The following OCA2 variants were observed in gnomAD, a reference collection of about 807,000 sequenced individuals.
OCA2 encodes P protein.
OCA2 carries 77 observed loss-of-function variants against 100.2 expected under a neutral mutation model. The observed-to-expected ratio is 0.77, with a 90% confidence interval of 0.64 to 0.93. The LOEUF is 0.93. OCA2 is among the 40% of genes least tolerant of loss of function. The pLI is 0.00. For synonymous variants in OCA2, 432 were observed against 439.2 expected (o/e 0.98, Z 0.21); for missense variants, 1,062 against 1,089.1 (o/e 0.98, Z 0.35).
chr15:27,812,147 G>A (rs1332298462), intron 23 of OCA2, among the ~76,000 whole-genome samples: 5 of 152,272 alleles, frequency 3.3e-5, no homozygotes, highest in East Asian at 1.9e-4. Flanking sequence ...ATGCTGGAGC[G>A]AAGACCCCTC....
At chr15:27,747,815 C>T in the OCA2 span, among the ~76,000 whole-genome samples, 3 of 152,160 alleles carry the variant, frequency 2.0e-5, no homozygotes, top group Admixed American at 6.5e-5. Context: ...GAATTTTGAT[C>T]TGGAAAAGAT....
intron 1 of OCA2, among the ~76,000 whole-genome samples, chr15:28,096,907 C>T (rs1419253541): frequency 6.6e-6 from 1 of 152,002 alleles, no homozygotes; most frequent in African/African-American, 2.4e-5. Context: ...GCAGCGCCAG[C>T]AAACGCGCAG....
intron 1 of OCA2, among the ~76,000 whole-genome samples, chr15:28,085,550 T>C (rs2044762966): frequency 6.6e-6 from 1 of 152,100 alleles, no homozygotes; most frequent in Non-Finnish European, 1.5e-5. Context: ...CGTCCCAGAA[T>C]GGCTGTGCTG....
intron 18 of OCA2, among the ~76,000 whole-genome samples, chr15:27,943,619 T>C (rs1347256837): frequency 1.3e-5 from 2 of 149,314 alleles, no homozygotes; most frequent in East Asian, 4.2e-4. Context: ...CGTATACATA[T>C]GTAACTAACC....
intron 7 of OCA2, among the ~76,000 whole-genome samples, chr15:28,017,415 G>A (rs1307795093): frequency 1.3e-5 from 2 of 152,204 alleles, no homozygotes; most frequent in African/African-American, 4.8e-5. Flanking sequence ...ACCGCAGGCT[G>A]TGTAAGGTCC....
chr15:28,053,197 C>T (rs2043571686), intron 2 of OCA2, among the ~76,000 whole-genome samples: 1 of 152,138 alleles, frequency 6.6e-6, no homozygotes, highest in South Asian at 2.1e-4. Flanking sequence ...ACAGCGTCAT[C>T]GTTACAGTCA....
At chr15:27,846,285 C>A (rs2035533860) in intron 22 of OCA2, among the ~76,000 whole-genome samples, 1 of 152,096 alleles carries the variant, frequency 6.6e-6, no homozygotes, top group African/African-American at 2.4e-5. Flanking sequence ...CCTTGCCAAG[C>A]CATCTAATGT....
rs182070436 is a variant in OCA2 at position 27,886,615 on chromosome 15, A to G, written c.2080-14693T>C. On this transcript the variant is annotated intron_variant, in intron 19 of 23. Coordinates refer to ENST00000354638, the MANE Select transcript of OCA2 (RefSeq NM_000275.3). Reference sequence around the variant, plus strand: ...CACATGGGAAGAGGAAGTATCAAGGAAATACAATATAGCGAATATAAGGCA... The same window carrying G: ...CACATGGGAAGAGGAAGTATCAAGGGAATACAATATAGCGAATATAAGGCA... Among the ~76,000 whole-genome samples the G allele has an allele frequency of 1.6e-3, 242 of 152,348 alleles. 2 individuals carry two copies. Among genetic ancestry groups the G allele is most frequent in the African/African-American group, 5.4e-3 (226 of 41,582 alleles).
At chr15:27,758,374 C>A (rs1048865186) in intron 23 of OCA2, among the ~76,000 whole-genome samples, 1 of 152,194 alleles carries the variant, frequency 6.6e-6, no homozygotes, top group African/African-American at 2.4e-5. Context: ...TGGTGAAGGC[C>A]AAGTGGGAAC....
At chr15:27,840,466 T>C (rs2035302079) in intron 23 of OCA2, among the ~76,000 whole-genome samples, 1 of 152,228 alleles carries the variant, frequency 6.6e-6, no homozygotes, top group African/African-American at 2.4e-5. Context: ...AAATTATGTG[T>C]CTATTCCAAT....
rs548435503 is a variant in OCA2 at position 27,829,233 on chromosome 15, C to A, written c.2432+15726G>T. ...TAGATATAGATAGATAGGTGACAGACAGCTAGATGAGAGATGATTGATAGA... is the reference window on the plus strand; with the variant it reads ...TAGATATAGATAGATAGGTGACAGAAAGCTAGATGAGAGATGATTGATAGA... On this transcript the variant is annotated intron_variant, in intron 23 of 23. Transcript: ENST00000354638. 4.0e-5 allele frequency among the ~76,000 whole-genome samples: 6 copies of A among 151,746 alleles called. No homozygotes were observed. In the South Asian group the frequency reaches 1.0e-3, roughly 26 times the overall value.
chr15:27,793,158 T>A (rs2033164595), intron 23 of OCA2, among the ~76,000 whole-genome samples: 1 of 152,218 alleles, frequency 6.6e-6, no homozygotes. Flanking sequence ...TCAATGGGGC[T>A]TGGCTACTCA....
In OCA2 at chr15:28,017,644, C is replaced by G. The variant is rs141070046; in HGVS notation, c.807+753G>C. ...AGACCTTTGCTCTGTGGACCATGCT[C>G]TACAAGGCAGGAAAAGGGGAGGGTG... On this transcript the variant is annotated intron_variant, in intron 7 of 23. Coordinates refer to ENST00000354638, the MANE Select transcript of OCA2 (RefSeq NM_000275.3). Among the ~76,000 whole-genome samples, 845 of 152,326 alleles carry G rather than the reference C, an allele frequency of 5.5e-3. 5 individuals are homozygous for G. The highest frequency in any genetic ancestry group is 0.019 in the African/African-American group (810 of 41,564).
chr15:27,885,542 G>T (rs2151566489), intron 19 of OCA2, among the ~76,000 whole-genome samples: 1 of 152,316 alleles, frequency 6.6e-6, no homozygotes, highest in South Asian at 2.1e-4. Context: ...CTCAGCTTAA[G>T]AAATCTGATT....
chr15:27,739,570 C>G, the OCA2 span, among the ~76,000 whole-genome samples: 1 of 151,274 alleles, frequency 6.6e-6, no homozygotes, highest in African/African-American at 2.4e-5. Flanking sequence ...CTCAGCCTCC[C>G]GAGTAGCTGG....
rs139676278 is a variant in OCA2 at position 27,924,151 on chromosome 15, G to A, written c.2079+1976C>T. On this transcript the variant is annotated intron_variant, in intron 19 of 23. Transcript: ENST00000354638. ...ACTGCTTGTTTTGGTCAGCTTTGTC[G>A]AAGATCAGATGGTCATAGGTGTACA... 1.5e-3 allele frequency among the ~76,000 whole-genome samples: 221 copies of A among 152,216 alleles called. 1 individual carries two copies. Among genetic ancestry groups the A allele is most frequent in the African/African-American group, 5.1e-3 (210 of 41,534 alleles).
chr15:27,952,548 G>T (rs1403243708), intron 17 of OCA2, among the ~76,000 whole-genome samples: 1 of 152,266 alleles, frequency 6.6e-6, no homozygotes, highest in African/African-American at 2.4e-5. Flanking sequence ...CGCACAGATG[G>T]GCACCTGGTA....
chr15:27,872,916 G>A (rs7164898), intron 19 of OCA2, among the ~76,000 whole-genome samples: 65 of 152,130 alleles, frequency 4.3e-4, no homozygotes, highest in African/African-American at 1.3e-3. Context: ...TCTCGAACTC[G>A]TGACCTCAGG....
At chr15:28,002,147 G>A (rs2041947702) in intron 9 of OCA2, among the ~76,000 whole-genome samples, 1 of 152,196 alleles carries the variant, frequency 6.6e-6, no homozygotes, top group Admixed American at 6.5e-5. Flanking sequence ...GATACAAGAG[G>A]CCAGAAAAAT....
Sources: gnomAD v4.1 joint callset for allele counts (sites outside exome capture counted in the v4.1 genomes callset) on GRCh38, gnomAD v4.1.1 for gene constraint, MANE v1.5 for transcripts, NCBI Gene and HGNC (gene_info 2026-07-23, HGNC 2026-07-21) for gene names.